Variants in DNAH14 observed in about 807,000 individuals in gnomAD.
DNAH14 encodes the protein dynein axonemal heavy chain 14, also known as axonemal beta dynein heavy chain 14.
Under a neutral mutation model 520.9 loss-of-function variants are expected in DNAH14, and 478 were observed. The ratio of observed to expected loss-of-function variants is 0.92; its 90% confidence interval spans 0.85 to 0.99. The LOEUF (loss-of-function observed/expected upper bound fraction) is 0.99. Among genes scored for constraint, DNAH14 ranks in the 50% least tolerant of loss-of-function variants. The probability of loss-of-function intolerance (pLI) is 0.00; values close to 1 mark genes in which losing one functional copy is unlikely to be tolerated. For synonymous variants in DNAH14, 1,581 were observed against 1,757.2 expected (o/e 0.90, Z 2.51); for missense variants, 4,831 against 5,234.5 (o/e 0.92, Z 2.38).
chr1:224,933,657 A>G (rs2058838586), intron 1 of DNAH14, among the ~76,000 whole-genome samples: 1 of 152,092 alleles, frequency 6.6e-6, no homozygotes, highest in South Asian at 2.1e-4. Context: ...AATTTTGTCC[A>G]ATGCTTGTTC....
intron 49 of DNAH14, among the ~76,000 whole-genome samples, chr1:225,267,307 T>TC (rs35843081): frequency 0.055 from 8,105 of 148,584 alleles, 349 homozygotes; most frequent in East Asian, 0.22. Context: ...TTTTTTTTTT[T>TC]TTTTTGAGAT....
intron 79 of DNAH14, among the ~76,000 whole-genome samples, chr1:225,378,019 A>G (rs1054346480): frequency 2.0e-5 from 3 of 152,134 alleles, no homozygotes; most frequent in African/African-American, 7.2e-5. Flanking sequence ...CAAGATTTCA[A>G]CCTAAAATCA....
chr1:224,977,553 T>C lies in DNAH14; in HGVS notation c.830+3400T>C, dbSNP rs541483869. ...AAATCAAGAGGAGGGAAGGAAACTT[T>C]TGGAGGTGACAGTTTATGGCATAGA... is the stretch of plus-strand genomic sequence containing the variant. On this transcript the variant is annotated intron_variant, in intron 8 of 85. Coordinates refer to ENST00000682510, the MANE Select transcript of DNAH14 (RefSeq NM_001367479.1). 5.3e-5 allele frequency among the ~76,000 whole-genome samples: 8 copies of C among 152,212 alleles called. No homozygotes were observed. In the South Asian group the frequency reaches 1.5e-3, roughly 28 times the overall value.
chr1:224,992,389 C>G (rs934391170), intron 8 of DNAH14, among the ~76,000 whole-genome samples: 2 of 152,080 alleles, frequency 1.3e-5, no homozygotes, highest in African/African-American at 4.8e-5. Flanking sequence ...TCTTCCATTT[C>G]TTTTATTAAC....
chr1:225,283,694 C>G (rs1183162826), intron 54 of DNAH14, among the ~76,000 whole-genome samples: 3 of 152,104 alleles, frequency 2.0e-5, no homozygotes, highest in Non-Finnish European at 2.9e-5. Flanking sequence ...AACTAATTGA[C>G]ATGATAGAAG....
chr1:225,151,523 G>T (rs2080499845), intron 31 of DNAH14, among the ~76,000 whole-genome samples: 1 of 152,202 alleles, frequency 6.6e-6, no homozygotes, highest in Admixed American at 6.5e-5. Flanking sequence ...CACTGATGCT[G>T]ATTGTAAGAC....
chr1:225,349,275 C>T (rs2095330778), intron 71 of DNAH14, among the ~76,000 whole-genome samples: 1 of 151,946 alleles, frequency 6.6e-6, no homozygotes, highest in Non-Finnish European at 1.5e-5. Context: ...TATGTAATTG[C>T]AATAGTAACC....
chr1:225,012,055 T>G (rs1490839791), intron 10 of DNAH14, among the ~76,000 whole-genome samples: 3 of 151,970 alleles, frequency 2.0e-5, no homozygotes, highest in Admixed American at 6.6e-5. Context: ...TCAATGGTCT[T>G]TACAATTTGG....
At position 225,390,639 on chromosome 1, in the gene DNAH14, G is replaced by A. The variant is rs922797342; in HGVS notation, c.13330+766G>A. On this transcript the variant is annotated intron_variant, in intron 83 of 85. Transcript: ENST00000682510. ...AAGCCCGCTAAGGAAATAACATCTAGGATGTCTTGAAGCTTGCTACCAATT... is the reference window on the plus strand; with the variant it reads ...AAGCCCGCTAAGGAAATAACATCTAAGATGTCTTGAAGCTTGCTACCAATT... 2.0e-5 allele frequency among the ~76,000 whole-genome samples: 3 copies of A among 152,180 alleles called. No homozygotes were observed. The East Asian group carries it at 5.8e-4, about 29-fold the overall frequency.
intron 29 of DNAH14, among the ~76,000 whole-genome samples, chr1:225,144,907 GTGTT>G (rs1265112861): frequency 5.3e-5 from 8 of 151,960 alleles, no homozygotes; most frequent in East Asian, 3.9e-4. Flanking sequence ...GTGTGTGTGT[GTGTT>G]TGTGTGTGTA....
intron 36 of DNAH14, among the ~76,000 whole-genome samples, chr1:225,178,654 C>T (rs1167730448): frequency 6.6e-6 from 1 of 152,202 alleles, no homozygotes; most frequent in East Asian, 1.9e-4. Flanking sequence ...TGAGACTTGC[C>T]TCTTCTCAGA....
Position 225,324,331 on chromosome 1 carries a change from A to G in DNAH14, c.9605A>G (p.Asn3202Ser), listed in dbSNP as rs1408786607. ...CTGTGCCAGTGGGTTATAGCTTTGA[A>G]TAACTACCATGAAGTACAGAAGGTA... ...CSLCQWVIAL[N>S]NYHEVQKVVG... Residue 3202 changes from asparagine to serine, a missense_variant, in exon 63 of 86, where the codon AAT becomes AGT. Asn to Ser is a conservative substitution (Grantham distance 46). Coordinates refer to ENST00000682510, the MANE Select transcript of DNAH14 (RefSeq NM_001367479.1). 3 of 1,551,808 alleles carry G rather than the reference A, an allele frequency of 1.9e-6. No homozygotes were observed. Among genetic ancestry groups the G allele is most frequent in the Non-Finnish European group, 2.6e-6 (3 of 1,147,030 alleles).
rs539700977 is a variant in DNAH14 at position 225,188,144 on chromosome 1, G to A, written c.5670+2719G>A. Among the ~76,000 whole-genome samples the A allele has an allele frequency of 3.3e-5, 5 of 151,948 alleles. No homozygotes were observed. In the East Asian group the frequency reaches 5.8e-4, roughly 18 times the overall value. On this transcript the variant is annotated intron_variant, in intron 37 of 85. Transcript: ENST00000682510. The stretch of plus-strand genomic sequence containing the variant: ...TGTGATTGCTATATAGTTTTATATA[G>A]TAGTCTCCCTGTATTCATGGTTTTT...
intron 17 of DNAH14, among the ~76,000 whole-genome samples, chr1:225,053,613 C>T (rs2148332390): frequency 6.6e-6 from 1 of 152,110 alleles, no homozygotes; most frequent in African/African-American, 2.4e-5. Context: ...ACAATGAGAA[C>T]TCTGAGCAAT....
rs1040592422 is a variant in DNAH14, at chr1:225,364,847, A to G, written c.12043A>G (p.Lys4015Glu). 1.2e-5 allele frequency: 19 copies of G among 1,549,070 alleles called. No homozygotes were observed. The highest frequency in any genetic ancestry group is 1.6e-5 in the Non-Finnish European group (18 of 1,146,146). ...DPEFRLWLSS[K>E]SYSSFPIPVL... ...TGAGTTTCGGCTATGGTTAAGCTCA[A>G]AATCATACAGTTCTTTTCCAATTCC... The change falls in exon 76 of 86, where the codon AAA (lysine) becomes GAA (glutamate). Residue 4015 changes from lysine (K) to glutamate (E), a missense_variant. Lys to Glu is a moderately conservative substitution (Grantham distance 56). Coordinates refer to ENST00000682510, the MANE Select transcript of DNAH14 (RefSeq NM_001367479.1).
At chr1:225,229,010 G>A (rs916373868) in intron 41 of DNAH14, among the ~76,000 whole-genome samples, 17 of 152,244 alleles carry the variant, frequency 1.1e-4, no homozygotes, top group Admixed American at 6.5e-4. Context: ...TTGATCTTTC[G>A]TGTGCAGGAC....
intron 20 of DNAH14, among the ~76,000 whole-genome samples, chr1:225,083,029 G>C (rs1056574621): frequency 2.0e-5 from 3 of 151,890 alleles, no homozygotes; most frequent in Admixed American, 2.0e-4. Context: ...TATTTATACA[G>C]AATACATTTT....
chr1:225,073,677 G>GTTTGTT (rs1214486445), intron 17 of DNAH14, among the ~76,000 whole-genome samples: 4 of 149,974 alleles, frequency 2.7e-5, no homozygotes, highest in South Asian at 2.1e-4. Context: ...TGTTGTTGTT[G>GTTTGTT]TTTGTTTTTG....
rs1029915994 is a variant in DNAH14, at chr1:225,199,494, A to C, written c.5887-4689A>C. Among the ~76,000 whole-genome samples, 5 of 152,104 alleles carry C rather than the reference A, an allele frequency of 3.3e-5. 1 individual carries two copies. Among genetic ancestry groups the C allele is most frequent in the Non-Finnish European group, 5.9e-5 (4 of 68,026 alleles). ...GTTTAGGGCTATGAACTTTCCTCTT[A>C]GCACTGCCTTTGCTGTATCCCAGAG... On this transcript the variant is annotated intron_variant, in intron 38 of 85. Coordinates refer to ENST00000682510, the MANE Select transcript of DNAH14 (RefSeq NM_001367479.1).
Sources: gnomAD v4.1 joint callset for allele counts (sites outside exome capture counted in the v4.1 genomes callset) on GRCh38, gnomAD v4.1.1 for gene constraint, MANE v1.5 for transcripts, NCBI Gene and HGNC (gene_info 2026-07-23, HGNC 2026-07-21) for gene names.